SPAM1: variants seen among roughly 807,000 people sequenced by gnomAD.
SPAM1 encodes the protein sperm adhesion molecule 1.
A neutral mutation model predicts 29.6 loss-of-function variants in SPAM1; 22 were observed. The observed-to-expected ratio is 0.74, with a 90% CI of 0.53 to 1.06. The LOEUF (loss-of-function observed/expected upper bound fraction) is 1.06, where lower values mean the gene tolerates loss of function less well. Ranked by LOEUF, SPAM1 falls within the 50% of genes least tolerant of loss-of-function variation. The probability of loss-of-function intolerance (pLI) is 0.00; values close to 1 mark genes in which losing one functional copy is unlikely to be tolerated. For missense variants in SPAM1, 534 were observed against 604.0 expected (o/e 0.88, Z 1.21); for synonymous variants, 194 against 204.6 (o/e 0.95, Z 0.44).
At chr7:123,971,217 A>T (rs918746976) in exon 7 of SPAM1, 3 of 152,244 alleles carry the variant, frequency 2.0e-5, no homozygotes, top group Admixed American at 6.5e-5. Context: ...AGATATTTAT[A>T]TAAGATTATA....
At chr7:123,965,607 G>A (rs1356775826) in intron 5 of SPAM1, among the ~76,000 whole-genome samples, 1 of 151,960 alleles carries the variant, frequency 6.6e-6, no homozygotes, top group Non-Finnish European at 1.5e-5. Flanking sequence ...AAGATCAGAT[G>A]GCTGCAGATG....
chr7:123,943,860 G>A lies in SPAM1; in HGVS notation c.-318-6012G>A, dbSNP rs150532219. Among the ~76,000 whole-genome samples, 3 of 152,132 alleles carry A rather than the reference G, an allele frequency of 2.0e-5. No homozygotes were observed. The East Asian group carries it at 5.8e-4, about 29-fold the overall frequency. ...TTTGAGAGAGGAGACCAAACAATAA[G>A]CCTTAATAAAGACAGAATGAAGTCA... On this transcript the variant is annotated intron_variant, in intron 1 of 4. Transcript: ENST00000682466.
chr7:123,931,033 C>G (rs1756392894), intron 1 of SPAM1, among the ~76,000 whole-genome samples: 1 of 152,026 alleles, frequency 6.6e-6, no homozygotes, highest in Admixed American at 6.6e-5. Flanking sequence ...TCAACTGCGT[C>G]TGCCATACTG....
intron 1 of SPAM1, among the ~76,000 whole-genome samples, chr7:123,946,851 CTT>C (rs34765231): frequency 6.6e-6 from 1 of 152,118 alleles, no homozygotes; most frequent in Non-Finnish European, 1.5e-5. Flanking sequence ...AGTGGGATGA[CTT>C]TGAGTTCTGT....
chr7:123,950,369 G>A (rs776141288), intron 2 of SPAM1, among the ~76,000 whole-genome samples: 2 of 152,002 alleles, frequency 1.3e-5, no homozygotes, highest in Non-Finnish European at 2.9e-5. Context: ...CACCCAGATT[G>A]TGACCAATGT....
At chr7:123,956,867 T>C (rs1278547334) in intron 4 of SPAM1, among the ~76,000 whole-genome samples, 1 of 151,962 alleles carries the variant, frequency 6.6e-6, no homozygotes, top group African/African-American at 2.4e-5. Flanking sequence ...TAGCTTGAAA[T>C]TGGCCATGGC....
chr7:123,957,286 C>A (rs1792268511), intron 4 of SPAM1, among the ~76,000 whole-genome samples: 1 of 151,822 alleles, frequency 6.6e-6, no homozygotes, highest in Non-Finnish European at 1.5e-5. Flanking sequence ...TTTAAAGCTG[C>A]CATCAGAATG....
intron 1 of SPAM1, among the ~76,000 whole-genome samples, chr7:123,938,403 T>A (rs1235534308): frequency 6.6e-6 from 1 of 152,236 alleles, no homozygotes; most frequent in Non-Finnish European, 1.5e-5. Context: ...GCATCCTAAG[T>A]GCTCCATTTA....
chr7:123,959,953 C>T lies in SPAM1; in HGVS notation c.1514C>T (p.Ser505Phe). ...IVSILFLIIS[S>F]VASL is the part of the protein sequence containing the mutation. Reference sequence around the variant, plus strand: ...AGTATTTTGTTTCTTATCATTTCTTCTGTAGCGAGTTTGTAATTGCGCAGG... The same window carrying T: ...AGTATTTTGTTTCTTATCATTTCTTTTGTAGCGAGTTTGTAATTGCGCAGG... Residue 505 changes from serine to phenylalanine, a missense_variant, in exon 5 of 5, where the codon TCT becomes TTT. Coordinates refer to ENST00000682466, the MANE Select transcript of SPAM1 (RefSeq NM_153189.3). 3 of 1,607,558 alleles carry T rather than the reference C, an allele frequency of 1.9e-6. No individual in the cohort carries two copies. The highest frequency in any genetic ancestry group is 2.5e-6 in the Non-Finnish European group (3 of 1,177,658).
At chr7:123,932,677 G>A (rs1808124088) in intron 1 of SPAM1, among the ~76,000 whole-genome samples, 1 of 152,160 alleles carries the variant, frequency 6.6e-6, no homozygotes, top group East Asian at 1.9e-4. Flanking sequence ...AAAATAATGA[G>A]TATCTATACC....
chr7:123,959,576 G>T lies in SPAM1; in HGVS notation c.1137G>T (p.Val379=). The change falls in exon 5 of 5, where the codon GTG becomes GTT. Residue 379 remains valine (V), a synonymous_variant. Coordinates refer to ENST00000682466, the MANE Select transcript of SPAM1 (RefSeq NM_153189.3). The part of the protein sequence containing the change: ...VTLAAKMCSQ[V]LCQEQGVCIR... ...TAGCAGCCAAAATGTGTAGCCAAGTGCTTTGCCAGGAGCAAGGAGTGTGTA... is the reference window on the plus strand; with the variant it reads ...TAGCAGCCAAAATGTGTAGCCAAGTTCTTTGCCAGGAGCAAGGAGTGTGTA... 6.2e-7 allele frequency: 1 copy of T among 1,613,142 alleles called. No individual in the cohort carries two copies. Among genetic ancestry groups the T allele is most frequent in the Non-Finnish European group, 8.5e-7 (1 of 1,179,496 alleles).
At chr7:123,966,762 G>A (rs114403602) in intron 5 of SPAM1, among the ~76,000 whole-genome samples, 2,002 of 151,972 alleles carry the variant, frequency 0.013, 35 homozygotes, top group African/African-American at 0.046. Flanking sequence ...CACTGGGCCT[G>A]TATAGGGGGA....
intron 1 of SPAM1, among the ~76,000 whole-genome samples, chr7:123,933,848 G>T (rs1400143949): frequency 6.6e-6 from 1 of 152,030 alleles, no homozygotes; most frequent in African/African-American, 2.4e-5. Flanking sequence ...ATAATGTTTT[G>T]GTCAATGATA....
chr7:123,958,126 G>T (rs963516880), intron 4 of SPAM1, among the ~76,000 whole-genome samples: 1 of 151,892 alleles, frequency 6.6e-6, no homozygotes, highest in Admixed American at 6.6e-5. Flanking sequence ...CAGTTATTCT[G>T]CCAACAATAG....
chr7:123,964,113 T>G (rs963838318), downstream of SPAM1, among the ~76,000 whole-genome samples: 8 of 151,906 alleles, frequency 5.3e-5, no homozygotes, highest in African/African-American at 1.9e-4. Flanking sequence ...AATTATCTAA[T>G]TTAAGCACTA....
intron 1 of SPAM1, among the ~76,000 whole-genome samples, chr7:123,942,999 A>G (rs1352183489): frequency 6.6e-6 from 1 of 152,228 alleles, no homozygotes; most frequent in African/African-American, 2.4e-5. Flanking sequence ...TTTTGGAGAA[A>G]TCATGTAGAG....
chr7:123,964,499 A>G (rs1444317357), downstream of SPAM1, among the ~76,000 whole-genome samples: 1 of 151,952 alleles, frequency 6.6e-6, no homozygotes. Context: ...CTAGGTTTTA[A>G]ATTTTTGACT....
rs187807157 is a variant in SPAM1 at position 123,958,254 on chromosome 7, C to G, written c.1045-1230C>G. Among the ~76,000 whole-genome samples the G allele has an allele frequency of 3.1e-3, 475 of 152,104 alleles. 3 individuals carry two copies. The highest frequency in any genetic ancestry group is 0.011 in the African/African-American group (440 of 41,532). ...CCTTTGGCCTGATAAAGTATTAGCACAACCACCTCACTCAATGGAACTGTT... is the reference window on the plus strand; with the variant it reads ...CCTTTGGCCTGATAAAGTATTAGCAGAACCACCTCACTCAATGGAACTGTT... On this transcript the variant is annotated intron_variant, in intron 4 of 4. Coordinates refer to ENST00000682466, the MANE Select transcript of SPAM1 (RefSeq NM_153189.3).
At chr7:123,950,148 A>T (rs185579615) in intron 2 of SPAM1, among the ~76,000 whole-genome samples, 165 bp downstream of exon 2, 16 of 152,290 alleles carry the variant, frequency 1.1e-4, no homozygotes, top group Admixed American at 4.6e-4. Flanking sequence ...AAGGTCAGGC[A>T]TTATTACCTG....
Sources: allele counts gnomAD v4.1 joint callset (sites outside exome capture counted in the v4.1 genomes callset), GRCh38; gene constraint gnomAD v4.1.1; transcripts MANE v1.5; gene names NCBI Gene and HGNC (gene_info 2026-07-23, HGNC 2026-07-21).